The following ZNF577 variants were observed in gnomAD, a reference collection of about 807,000 sequenced individuals.
ZNF577 encodes the protein zinc finger protein 577.
In ZNF577, 14 loss-of-function variants were observed where a neutral mutation model predicts 13.9. The observed-to-expected ratio is 1.00, with a 90% confidence interval of 0.66 to 1.57. The LOEUF is 1.57. Ranked by LOEUF, ZNF577 falls within the 40% of genes most tolerant of loss-of-function variation. ZNF577 has a pLI of 0.00. For synonymous variants in ZNF577, 203 were observed against 202.9 expected (o/e 1.00, Z 0.00); for missense variants, 555 against 579.2 (o/e 0.96, Z 0.43).
At chr19:51,816,927 T>A (rs1456214785) in intron 9 of ZNF577, among the ~76,000 whole-genome samples, 8 of 152,170 alleles carry the variant, frequency 5.3e-5, no homozygotes, top group Admixed American at 2.0e-4. Context: ...TAATCATACA[T>A]CTTTGTTGTT....
In ZNF577 at chr19:51,824,346, GTCTT is replaced by G. The variant is rs746115387; in HGVS notation, c.*600-12676_*600-12673del. 6.2e-7 allele frequency: 1 copy of G among 1,614,120 alleles called. No individual in the cohort carries two copies. The highest frequency in any genetic ancestry group is 1.3e-5 in the African/African-American group (1 of 75,038). ...GAACGTGTTCATTACCATGGCCAAG[GTCTT>G]TCTGATCCTCCACTTCATTATTGGC... On this transcript the variant is annotated intron_variant and NMD_transcript_variant, in intron 9 of 10. Coordinates refer to the ZNF577 transcript ENST00000638827. This position sits in a 1 kb window ranked among gnomAD's most constrained non-coding sequence, Gnocchi z 4.7.
chr19:51,843,568 C>A (rs1310145918), intron 6 of ZNF577, among the ~76,000 whole-genome samples: 1 of 152,148 alleles, frequency 6.6e-6, no homozygotes, highest in Non-Finnish European at 1.5e-5. Flanking sequence ...TTTAAACTAC[C>A]TAAAAACCAT....
At chr19:51,843,743 C>T (rs1359849920) in intron 6 of ZNF577, among the ~76,000 whole-genome samples, 3 of 152,136 alleles carry the variant, frequency 2.0e-5, no homozygotes, top group African/African-American at 7.2e-5. Flanking sequence ...TTAGCAAGGA[C>T]TAAGACAGAA....
chr19:51,826,843 C>T (rs890971350), intron 9 of ZNF577, among the ~76,000 whole-genome samples: 1 of 152,166 alleles, frequency 6.6e-6, no homozygotes, highest in Non-Finnish European at 1.5e-5. Context: ...TCCTCAAGCA[C>T]TGAGTCTGCC....
downstream of ZNF577, among the ~76,000 whole-genome samples, chr19:51,804,478 CAA>C (rs1418069081): frequency 6.6e-6 from 1 of 151,984 alleles, no homozygotes; most frequent in Non-Finnish European, 1.5e-5. Context: ...CGCATCAAAA[CAA>C]AGTTTTACAA....
At chr19:51,857,412 AAGAAAG>A (rs1489338310) in intron 5 of ZNF577, among the ~76,000 whole-genome samples, 1 of 110,618 alleles carries the variant, frequency 9.0e-6, no homozygotes, top group Non-Finnish European at 1.9e-5. Flanking sequence ...GAAAGAAAGA[AAGAAAG>A]AAAGAAAGAA....
intron 1 of ZNF577, among the ~76,000 whole-genome samples, chr19:51,885,927 A>G (rs947558435): frequency 2.0e-5 from 3 of 152,248 alleles, no homozygotes; most frequent in Admixed American, 6.5e-5. Flanking sequence ...ATGGGGTATA[A>G]TCATCAATGG....
In ZNF577 at chr19:51,835,048, T is replaced by A. The variant is rs369370638; in HGVS notation, c.*599+4845A>T. ...GAAGCTAGAAAAATATCAAATTAAATCTAAAGAAAATATAAGAAAATAACT... is the reference window on the plus strand; with the variant it reads ...GAAGCTAGAAAAATATCAAATTAAAACTAAAGAAAATATAAGAAAATAACT... On this transcript the variant is annotated intron_variant and NMD_transcript_variant, in intron 9 of 10. Transcript: ENST00000638827. 6.6e-5 allele frequency among the ~76,000 whole-genome samples: 10 copies of A among 151,828 alleles called. No individual in the cohort carries two copies. The East Asian group carries it at 1.5e-3, about 24-fold the overall frequency.
At chr19:51,882,076 C>G (rs562548615) in intron 1 of ZNF577, among the ~76,000 whole-genome samples, 50 of 152,158 alleles carry the variant, frequency 3.3e-4, no homozygotes, top group Non-Finnish European at 6.6e-4. Context: ...CCAGCCCCAG[C>G]CCTTCAGTCT....
chr19:51,807,625 C>A (rs778395960), intron 10 of ZNF577, among the ~76,000 whole-genome samples: 11 of 152,086 alleles, frequency 7.2e-5, no homozygotes, highest in Admixed American at 2.6e-4. Flanking sequence ...TTTGGAAGAG[C>A]CATCAGTAAA....
rs1239991374 is a variant in ZNF577, at chr19:51,877,204, T to A, written c.283+78A>T. On this transcript the variant is annotated intron_variant, in intron 5 of 5. Coordinates refer to ENST00000638348, the MANE Select transcript of ZNF577 (RefSeq NM_001370449.1). ...CTGTGAAGTCCTCTAAAGAACACTT[T>A]AAAAGCATCAACCCTTCTCCGACCA... 3.1e-6 allele frequency: 4 copies of A among 1,296,516 alleles called. No homozygotes were observed. In the African/African-American group the frequency reaches 5.9e-5, roughly 19 times the overall value. The allele number at this position is 1,296,516 out of a possible 1,614,324, so 80.3% of individuals were successfully genotyped here. A position where few individuals can be genotyped will look rare whatever the true frequency, so the allele number is the denominator to read the frequency against.
In ZNF577 at chr19:51,859,107, T is replaced by C. The variant is rs80008298; in HGVS notation, c.284-14176A>G. Reference sequence around the variant, plus strand: ...GAAAGTATAAAATGTGGAATTTGCATTTGGCTTCTTTCACTCAGTATGTTT... The same window carrying C: ...GAAAGTATAAAATGTGGAATTTGCACTTGGCTTCTTTCACTCAGTATGTTT... On this transcript the variant is annotated intron_variant and NMD_transcript_variant, in intron 5 of 10. Coordinates refer to the ZNF577 transcript ENST00000638827. 5.4e-3 allele frequency among the ~76,000 whole-genome samples: 827 copies of C among 152,314 alleles called. 9 individuals carry two copies. The highest frequency in any genetic ancestry group is 0.017 in the African/African-American group (711 of 41,578).
intron 5 of ZNF577, among the ~76,000 whole-genome samples, chr19:51,853,336 T>A (rs1268454412): frequency 6.6e-6 from 1 of 151,202 alleles, no homozygotes. Flanking sequence ...TACAGATACT[T>A]CTTAGAACCC....
chr19:51,810,661 A>G (rs569875007), intron 10 of ZNF577, among the ~76,000 whole-genome samples: 146 of 152,320 alleles, frequency 9.6e-4, no homozygotes, highest in Non-Finnish European at 1.9e-3. Context: ...TCCATGTCAG[A>G]TATGCACTAG....
At position 51,872,762 on chromosome 19, in the gene ZNF577, C is replaced by A. The variant is rs751132378; in HGVS notation, c.1228G>T (p.Val410Leu). ...MSELIQEQKT[V>L]NTVPIEMPSS... The stretch of plus-strand genomic sequence containing the variant: ...GGCATTTCTATAGGTACTGTGTTCA[C>A]AGTCTTTTGCTCTTGTATGAGTTCG... The change falls in exon 6 of 6, where the codon GTG (valine) becomes TTG (leucine). Residue 410 changes from valine to leucine, a missense_variant. Transcript: ENST00000638348. 1.2e-6 allele frequency: 2 copies of A among 1,614,198 alleles called. No individual in the cohort carries two copies. The highest frequency in any genetic ancestry group is 2.2e-5 in the South Asian group (2 of 91,082).
intron 4 of ZNF577, chr19:51,878,063 C>A: frequency 1.1e-5 from 2 of 176,748 alleles, no homozygotes; most frequent in African/African-American, 2.4e-5. Context: ...AAGTCAAAAT[C>A]CTAAAGACAG....
At position 51,817,389 on chromosome 19, in the gene ZNF577, AAGAG is replaced by A. The variant is rs910161184; in HGVS notation, c.*600-5719_*600-5716del. Reference sequence around the variant, plus strand: ...TTATCTGGCTTTCCAAGAAATCATAAAGAGAGAGAGAGAGAGAGAAAATAGCCAA... The same window carrying A: ...TTATCTGGCTTTCCAAGAAATCATAAAGAGAGAGAGAGAGAAAATAGCCAA... On this transcript the variant is annotated intron_variant and NMD_transcript_variant, in intron 9 of 10. Coordinates refer to the ZNF577 transcript ENST00000638827. 1.1e-4 allele frequency among the ~76,000 whole-genome samples: 17 copies of A among 150,954 alleles called. 1 individual carries two copies. Among genetic ancestry groups the A allele is most frequent in the South Asian group, 6.3e-4 (3 of 4,782 alleles).
intron 9 of ZNF577, among the ~76,000 whole-genome samples, chr19:51,828,856 T>C (rs980058173): frequency 6.6e-6 from 1 of 152,138 alleles, no homozygotes; most frequent in African/African-American, 2.4e-5. Context: ...CTGGTGAATA[T>C]AGACAGCTCT....
chr19:51,873,018 T>C lies in ZNF577; in HGVS notation c.972A>G (p.Lys324=), dbSNP rs1256281836. ...TTTCACACTCACTACATTCATAAGG[T>C]TTCTCTCCCGTATGAATCCTCTGAT... is the stretch of plus-strand genomic sequence containing the variant. ...TRHQRIHTGE[K]PYECSECEKA... Residue 324 remains lysine (K), a synonymous_variant, in exon 6 of 6, where the codon AAA becomes AAG. Transcript: ENST00000638348. 6.2e-7 allele frequency: 1 copy of C among 1,614,164 alleles called. No individual in the cohort carries two copies. Among genetic ancestry groups the C allele is most frequent in the East Asian group, 2.2e-5 (1 of 44,882 alleles).
Sources: allele counts gnomAD v4.1 joint callset (sites outside exome capture counted in the v4.1 genomes callset), GRCh38; gene constraint gnomAD v4.1.1; non-coding constraint Gnocchi (gnomAD v3.1); transcripts MANE v1.5; gene names NCBI Gene and HGNC (gene_info 2026-07-23, HGNC 2026-07-21).